The following TMEM131 variants were observed in gnomAD, a reference collection of about 807,000 sequenced individuals.
TMEM131 encodes transmembrane protein 131.
TMEM131 carries 66 observed loss-of-function variants against 211.6 expected under a neutral mutation model. The ratio of observed to expected loss-of-function variants is 0.31; its 90% CI spans 0.26 to 0.38. The LOEUF (loss-of-function observed/expected upper bound fraction) is 0.38. TMEM131 is among the 10% of genes least tolerant of loss of function. The probability of loss-of-function intolerance (pLI) is 1.00; values close to 1 mark genes in which losing one functional copy is unlikely to be tolerated. For synonymous variants in TMEM131, 844 were observed against 841.3 expected (o/e 1.00, Z -0.06); for missense variants, 2,036 against 2,299.3 (o/e 0.89, Z 2.34).
chr2:97,961,283 G>A (rs1436032198), intron 1 of TMEM131, among the ~76,000 whole-genome samples: 4 of 151,812 alleles, frequency 2.6e-5, no homozygotes, highest in East Asian at 1.9e-4. Context: ...AAATACAATC[G>A]GTTGTATACA....
chr2:97,770,550 A>G (rs1164027607), intron 33 of TMEM131, among the ~76,000 whole-genome samples: 1 of 152,240 alleles, frequency 6.6e-6, no homozygotes, highest in African/African-American at 2.4e-5. Flanking sequence ...CAAGAGAACT[A>G]AAAACCCTTG....
chr2:97,760,803 G>A lies in TMEM131; in HGVS notation c.5001C>T (p.Asp1667=). The change falls in exon 37 of 41, where the codon GAC becomes GAT. Residue 1667 remains aspartate, a synonymous_variant. Coordinates refer to ENST00000186436, the MANE Select transcript of TMEM131 (RefSeq NM_015348.2). The part of the protein sequence containing the change: ...PTFAAVTAGY[D]KSPGGNGFAK... Reference sequence around the variant, plus strand: ...AGCAAAGGCACTGACCTGGGCTCTTGTCGTAGCCAGCCGTGACTGCAGCAA... The same window carrying A: ...AGCAAAGGCACTGACCTGGGCTCTTATCGTAGCCAGCCGTGACTGCAGCAA... 1 of 1,614,034 alleles carries A rather than the reference G, an allele frequency of 6.2e-7. No individual in the cohort carries two copies. The highest frequency in any genetic ancestry group is 8.5e-7 in the Non-Finnish European group (1 of 1,179,884).
intron 1 of TMEM131, among the ~76,000 whole-genome samples, chr2:97,952,472 A>T (rs1400881760): frequency 1.3e-5 from 2 of 152,234 alleles, no homozygotes; most frequent in African/African-American, 4.8e-5. Context: ...ATGACACATT[A>T]CCTATACTAG....
At chr2:97,913,022 G>A (rs1573547714) in intron 2 of TMEM131, 1 of 152,178 alleles carries the variant, frequency 6.6e-6, no homozygotes, top group East Asian at 1.9e-4. Context: ...GTTTCCCTGG[G>A]GGAATTTGGC....
intron 1 of TMEM131, among the ~76,000 whole-genome samples, chr2:97,936,319 G>T (rs1370243831): frequency 6.6e-6 from 1 of 152,230 alleles, no homozygotes; most frequent in Non-Finnish European, 1.5e-5. Context: ...AGAAGGTCCT[G>T]TGTACGCATC....
At chr2:97,952,497 T>C (rs927313526) in intron 1 of TMEM131, among the ~76,000 whole-genome samples, 12 of 152,202 alleles carry the variant, frequency 7.9e-5, no homozygotes, top group African/African-American at 2.7e-4. Context: ...CCAATTCGAA[T>C]TGGTGTTCAG....
intron 3 of TMEM131, among the ~76,000 whole-genome samples, chr2:97,901,390 T>C (rs1001189618): frequency 4.6e-5 from 7 of 151,932 alleles, no homozygotes; most frequent in Admixed American, 3.9e-4. Context: ...TTGATTTTTG[T>C]ATATGGTGAG....
At chr2:97,908,000 T>G (rs1676142473) in intron 3 of TMEM131, among the ~76,000 whole-genome samples, 1 of 152,126 alleles carries the variant, frequency 6.6e-6, no homozygotes, top group South Asian at 2.1e-4. Flanking sequence ...AGGGACTGTT[T>G]TATCCAACTC....
intron 1 of TMEM131, among the ~76,000 whole-genome samples, chr2:97,973,203 T>C (rs2104610733): frequency 6.6e-6 from 1 of 152,224 alleles, no homozygotes; most frequent in Non-Finnish European, 1.5e-5. Context: ...CATCTGAAAA[T>C]AACAATGCCA....
At chr2:97,828,921 T>C (rs535509332) in intron 11 of TMEM131, among the ~76,000 whole-genome samples, 10 of 152,318 alleles carry the variant, frequency 6.6e-5, no homozygotes, top group African/African-American at 2.4e-4. Flanking sequence ...CTTGTCAAAT[T>C]TGTTTCCTCT....
At chr2:97,819,822 GTCACTATGT>G in intron 11 of TMEM131, among the ~76,000 whole-genome samples, 1 of 152,294 alleles carries the variant, frequency 6.6e-6, no homozygotes, top group East Asian at 1.9e-4. Context: ...GATCCAGCAA[GTCACTATGT>G]TCTTCCCCCT....
intron 25 of TMEM131, among the ~76,000 whole-genome samples, chr2:97,800,466 T>A (rs1680974268): frequency 6.6e-6 from 1 of 151,900 alleles, no homozygotes; most frequent in East Asian, 1.9e-4. Context: ...AAAAGCAGAG[T>A]GGGCCGGGCA....
intron 11 of TMEM131, among the ~76,000 whole-genome samples, chr2:97,822,825 ACACT>A (rs1682195077): frequency 2.0e-5 from 3 of 152,074 alleles, no homozygotes; most frequent in Admixed American, 2.0e-4. Flanking sequence ...CAGATGGGAA[ACACT>A]CAGGCATCAA....
chr2:97,797,105 T>C (rs1355222582), intron 26 of TMEM131, 119 bp from the exon 27 acceptor site: 1 of 1,142,952 alleles, frequency 8.7e-7, no homozygotes, highest in East Asian at 2.6e-5. Flanking sequence ...ATGGTGAGAA[T>C]TTATACTTTA....
chr2:97,952,428 TAA>T (rs1678367829), intron 1 of TMEM131, among the ~76,000 whole-genome samples: 1 of 152,092 alleles, frequency 6.6e-6, no homozygotes, highest in African/African-American at 2.4e-5. Context: ...TTCTGAAAAC[TAA>T]AGACAAAAAG....
intron 34 of TMEM131, 107 bp from the exon 35 acceptor site, chr2:97,766,370 CA>C: frequency 6.3e-7 from 1 of 1,597,128 alleles, no homozygotes; most frequent in Non-Finnish European, 8.6e-7. Flanking sequence ...CTTAGCCTTG[CA>C]TGACTAATAA....
intron 5 of TMEM131, among the ~76,000 whole-genome samples, chr2:97,854,245 T>C (rs775381618): frequency 3.3e-5 from 5 of 152,192 alleles, no homozygotes; most frequent in Non-Finnish European, 5.9e-5. Flanking sequence ...CATCAGCAGT[T>C]TTTAGCAATA....
At position 97,818,600 on chromosome 2, in the gene TMEM131, G is replaced by A. The variant is rs1470073526; in HGVS notation, c.1183+13C>T. ...AACATCACTCTATCAGAGAGAAAAT[G>A]GTGAATACTTGCCATCAAAACTAAT... On this transcript the variant is annotated intron_variant, in intron 12 of 40. Transcript: ENST00000186436. 6.7e-7 allele frequency: 1 copy of A among 1,501,494 alleles called. No individual in the cohort carries two copies. The highest frequency in any genetic ancestry group is 1.4e-5 in the African/African-American group (1 of 72,754). The allele number at this position is 1,501,494 out of a possible 1,614,324, so 93.0% of individuals were successfully genotyped here. A position where few individuals can be genotyped will look rare whatever the true frequency, so the allele number is the denominator to read the frequency against.
Position 97,836,437 on chromosome 2 carries a change from C to A in TMEM131, c.804+640G>T, listed in dbSNP as rs564067211. ...TATGGAACTGAATTGACCACAATTGCCTTCTCCCTCTTGAATTAAAGCATG... is the reference window on the plus strand; with the variant it reads ...TATGGAACTGAATTGACCACAATTGACTTCTCCCTCTTGAATTAAAGCATG... On this transcript the variant is annotated intron_variant, in intron 8 of 40. Coordinates refer to ENST00000186436, the MANE Select transcript of TMEM131 (RefSeq NM_015348.2). Among the ~76,000 whole-genome samples, 33 of 152,284 alleles carry A rather than the reference C, an allele frequency of 2.2e-4. No individual in the cohort carries two copies. In the East Asian group the frequency reaches 6.4e-3, roughly 29 times the overall value.
Sources: allele counts gnomAD v4.1 joint callset (sites outside exome capture counted in the v4.1 genomes callset), GRCh38; gene constraint gnomAD v4.1.1; transcripts MANE v1.5; gene names NCBI Gene and HGNC (gene_info 2026-07-23, HGNC 2026-07-21).